Variants in OPA1 observed in about 807,000 individuals in gnomAD.
The protein encoded by OPA1 is OPA1 mitochondrial dynamin like GTPase.
Under a neutral mutation model 152.9 loss-of-function variants are expected in OPA1, and 59 were observed. That is an observed-to-expected ratio of 0.39 (90% CI 0.31 to 0.48). OPA1 has a LOEUF of 0.48. OPA1 is among the 20% of genes least tolerant of loss of function. The probability of loss-of-function intolerance (pLI) is 0.96; values close to 1 mark genes in which losing one functional copy is unlikely to be tolerated. For synonymous variants in OPA1, 400 were observed against 389.9 expected (o/e 1.03, Z -0.31); for missense variants, 1,008 against 1,216.8 (o/e 0.83, Z 2.55).
intron 8 of OPA1, among the ~76,000 whole-genome samples, chr3:193,634,228 TAGAA>T (rs1010498086): frequency 2.5e-4 from 38 of 151,692 alleles, no homozygotes; most frequent in African/African-American, 8.9e-4. Flanking sequence ...GAAGACAAAT[TAGAA>T]AGGATCAAAT....
rs557833074 is a variant in OPA1 at position 193,632,217 on chromosome 3, C to T, written c.843+552C>T. 1.1e-4 allele frequency among the ~76,000 whole-genome samples: 16 copies of T among 152,350 alleles called. No individual in the cohort carries two copies. The East Asian group carries it at 3.1e-3, about 29-fold the overall frequency. ...CCTATCACAGCCAGGCACGGTGGCT[C>T]ACGCCTGTAATCCCAACACTTTGGG... On this transcript the variant is annotated intron_variant, in intron 8 of 30. Transcript: ENST00000361510.
intron 23 of OPA1, 94 bp from the exon 24 acceptor site, chr3:193,658,792 AT>A: frequency 2.4e-6 from 2 of 843,078 alleles, no homozygotes; most frequent in Non-Finnish European, 2.0e-6. Context: ...ATACATGGTT[AT>A]TTTTCCATAT....
At chr3:193,679,451 T>C (rs903050121) in intron 29 of OPA1, among the ~76,000 whole-genome samples, 7 of 152,110 alleles carry the variant, frequency 4.6e-5, no homozygotes, top group Admixed American at 4.6e-4. Context: ...AACTTCTGCT[T>C]GTCCATGTGT....
At chr3:193,694,543 T>C (rs1174243005) in intron 30 of OPA1, 63 bp from the exon 31 acceptor site, 1 of 152,246 alleles carries the variant, frequency 6.6e-6, no homozygotes, top group Non-Finnish European at 1.5e-5. Context: ...TCATCAACTT[T>C]GTTTAGAAAT....
chr3:193,641,563 C>T (rs963910813), intron 11 of OPA1, among the ~76,000 whole-genome samples: 1 of 152,216 alleles, frequency 6.6e-6, no homozygotes, highest in Admixed American at 6.5e-5. Flanking sequence ...CTTGTCTACT[C>T]AACCCAGTGA....
rs992001238 is a variant in OPA1 at position 193,697,506 on chromosome 3, A to G, written c.*2906A>G. 1.2e-4 allele frequency: 18 copies of G among 152,144 alleles called. No individual in the cohort carries two copies. Among genetic ancestry groups the G allele is most frequent in the African/African-American group, 4.3e-4 (18 of 41,416 alleles). The allele number at this position is 152,144 out of a possible 1,614,324, so 9.4% of individuals were successfully genotyped here. A position where few individuals can be genotyped will look rare whatever the true frequency, so the allele number is the denominator to read the frequency against. On this transcript the variant is annotated 3_prime_UTR_variant, in exon 31 of 31. Transcript: ENST00000361510. The stretch of plus-strand genomic sequence containing the variant: ...CAAAGGTCATTTGTGTAGATGAGTA[A>G]TTAAAAAATATTTAAATCACATTAT...
chr3:193,657,965 G>GC (rs1291550365), intron 23 of OPA1, among the ~76,000 whole-genome samples: 1 of 152,162 alleles, frequency 6.6e-6, no homozygotes, highest in African/African-American at 2.4e-5. Flanking sequence ...TGTCTTTATG[G>GC]CCGGGCGTGG....
chr3:193,619,931 CTTTTAA>C (rs954808922), intron 6 of OPA1, among the ~76,000 whole-genome samples: 4 of 151,248 alleles, frequency 2.6e-5, no homozygotes, highest in African/African-American at 9.7e-5. Context: ...TTTCTTTTGC[CTTTTAA>C]TTTTATCTTT....
chr3:193,655,042 T>G lies in OPA1; in HGVS notation c.2178+15T>G. 1 of 1,610,362 alleles carries G rather than the reference T, an allele frequency of 6.2e-7. No individual in the cohort carries two copies. The highest frequency in any genetic ancestry group is 8.5e-7 in the Non-Finnish European group (1 of 1,176,806). On this transcript the variant is annotated intron_variant, in intron 22 of 30. Coordinates refer to ENST00000361510, the MANE Select transcript of OPA1 (RefSeq NM_130837.3). ...AAGCAGTAGAGGTTAGGATATAATT[T>G]AATTAAATGGGTAAGAAGCATTATC...
intron 6 of OPA1, among the ~76,000 whole-genome samples, chr3:193,624,818 C>A (rs975738708): frequency 3.9e-5 from 6 of 152,016 alleles, no homozygotes; most frequent in Non-Finnish European, 8.8e-5. Flanking sequence ...AATAAAAATT[C>A]TCCAAGTTAT....
chr3:193,597,601 G>T (rs1357606795), intron 1 of OPA1, among the ~76,000 whole-genome samples: 2 of 149,726 alleles, frequency 1.3e-5, no homozygotes, highest in East Asian at 4.0e-4. Flanking sequence ...TGAGGCAGGA[G>T]AATCGCTTGA....
chr3:193,643,907 T>A, intron 15 of OPA1, 68 bp from the exon 16 acceptor site: 1 of 1,515,736 alleles, frequency 6.6e-7, no homozygotes, highest in Non-Finnish European at 9.1e-7. Flanking sequence ...GGGTATAATT[T>A]GTACTGAGTT....
At chr3:193,651,019 G>C (rs1262698389) in intron 21 of OPA1, among the ~76,000 whole-genome samples, 1 of 152,066 alleles carries the variant, frequency 6.6e-6, no homozygotes, top group African/African-American at 2.4e-5. Context: ...TATGGTAAGG[G>C]CCACGAGATG....
At chr3:193,610,314 T>C (rs1286802193) in intron 1 of OPA1, among the ~76,000 whole-genome samples, 1 of 152,220 alleles carries the variant, frequency 6.6e-6, no homozygotes, top group East Asian at 1.9e-4. Flanking sequence ...CAGACCATGT[T>C]TGCCTGGGTA....
chr3:193,597,689 T>TC (rs1327995723), intron 1 of OPA1, among the ~76,000 whole-genome samples: 1 of 128,206 alleles, frequency 7.8e-6, no homozygotes, highest in African/African-American at 3.0e-5. Flanking sequence ...AGACTCCGTT[T>TC]CAAAAAAAAA....
intron 21 of OPA1, among the ~76,000 whole-genome samples, chr3:193,653,597 AAGGC>A (rs1252373778): frequency 2.0e-5 from 3 of 152,144 alleles, no homozygotes; most frequent in African/African-American, 4.8e-5. Context: ...GATGTCTTTC[AAGGC>A]AGAATTTTCA....
chr3:193,648,669 A>T, intron 20 of OPA1, 126 bp from the exon 21 acceptor site: 8 of 669,226 alleles, frequency 1.2e-5, no homozygotes, highest in Admixed American at 4.7e-5. Flanking sequence ...CATTTTTGCT[A>T]GTCATGTATA....
chr3:193,612,972 C>A (rs983396594), intron 1 of OPA1, among the ~76,000 whole-genome samples: 1 of 152,184 alleles, frequency 6.6e-6, no homozygotes, highest in Non-Finnish European at 1.5e-5. Context: ...GTGAGAGCAA[C>A]GGCCTCAGTG....
At chr3:193,613,199 A>T (rs1273002914) in intron 1 of OPA1, among the ~76,000 whole-genome samples, 1 of 152,200 alleles carries the variant, frequency 6.6e-6, no homozygotes, top group East Asian at 1.9e-4. Flanking sequence ...AAGTATGGCC[A>T]CTGGGATTGG....
Sources: gnomAD v4.1 joint callset for allele counts (sites outside exome capture counted in the v4.1 genomes callset) on GRCh38, gnomAD v4.1.1 for gene constraint, MANE v1.5 for transcripts, NCBI Gene and HGNC (gene_info 2026-07-23, HGNC 2026-07-21) for gene names.